ATP11A: variants seen among roughly 807,000 people sequenced by gnomAD.
ATP11A encodes ATPase phospholipid transporting 11A.
In ATP11A, 81 loss-of-function variants were observed where a neutral mutation model predicts 154.4. The observed-to-expected ratio is 0.52, with a 90% CI of 0.44 to 0.63. ATP11A has a LOEUF of 0.63. Among genes scored for constraint, ATP11A ranks in the 30% least tolerant of loss-of-function variants. The pLI, the probability that ATP11A is intolerant of heterozygous loss-of-function variation, is 0.00. For missense variants in ATP11A, 1,316 were observed against 1,474.3 expected, an observed-to-expected ratio of 0.89 and a Z score of 1.76; for synonymous variants, 623 against 585.9, an observed-to-expected ratio of 1.06 and a Z score of -0.91.
Position 112,755,789 on chromosome 13 carries a change from C to G in ATP11A, c.40-29346C>G, listed in dbSNP as rs924017619. On this transcript the variant is annotated intron_variant, in intron 1 of 29. Transcript: ENST00000375645. ...CCAGAACCATTTCCGGTCACGGAAG[C>G]GGCACTCAGAGCGGCTCCCAGAACC... 3.5e-5 allele frequency among the ~76,000 whole-genome samples: 5 copies of G among 141,970 alleles called. No homozygotes were observed. The East Asian group carries it at 1.0e-3, about 30-fold the overall frequency. The allele number at this position is 141,970 out of a possible 152,430, so 93.1% of individuals were successfully genotyped here.
At chr13:112,794,271 C>T (rs75171790) in intron 2 of ATP11A, among the ~76,000 whole-genome samples, 42 of 152,312 alleles carry the variant, frequency 2.8e-4, no homozygotes, top group Admixed American at 2.6e-3. Flanking sequence ...CAAATACTTA[C>T]ATTTTTACAA....
At chr13:112,728,311 G>T (rs1307793471) in intron 1 of ATP11A, among the ~76,000 whole-genome samples, 1 of 151,856 alleles carries the variant, frequency 6.6e-6, no homozygotes, top group African/African-American at 2.4e-5. Context: ...GCGTGGATGG[G>T]CCATGAGACT....
rs1359006201 is a variant in ATP11A at position 112,787,697 on chromosome 13, G to A, written c.162+2440G>A. The stretch of plus-strand genomic sequence containing the variant: ...TAATTCACACCGGGTGTCCTGATGC[G>A]TAGACTCCTGTGGAGACCTACTTAA... On this transcript the variant is annotated intron_variant, in intron 2 of 29. Coordinates refer to ENST00000375645, the MANE Select transcript of ATP11A (RefSeq NM_015205.3). Among the ~76,000 whole-genome samples the A allele has an allele frequency of 3.3e-5, 5 of 149,508 alleles. No homozygotes were observed. The East Asian group carries it at 6.1e-4, about 18-fold the overall frequency.
At chr13:112,820,534 G>T (rs1282406856) in intron 8 of ATP11A, among the ~76,000 whole-genome samples, 1 of 152,138 alleles carries the variant, frequency 6.6e-6, no homozygotes, top group African/African-American at 2.4e-5. Context: ...ATACCCATGA[G>T]GAAACAGCGA....
chr13:112,805,689 AGAG>A (rs1453716160), intron 3 of ATP11A, among the ~76,000 whole-genome samples: 3 of 150,428 alleles, frequency 2.0e-5, no homozygotes, highest in Non-Finnish European at 4.4e-5. Flanking sequence ...AAAAAAAAAA[AGAG>A]AAAGAAAAAG....
At chr13:112,716,903 T>C (rs1321197636) in intron 1 of ATP11A, among the ~76,000 whole-genome samples, 1 of 144,636 alleles carries the variant, frequency 6.9e-6, no homozygotes, top group Non-Finnish European at 1.5e-5. Flanking sequence ...GGGGCAGTAC[T>C]GGATCAGGTG....
intron 1 of ATP11A, among the ~76,000 whole-genome samples, chr13:112,755,747 G>C (rs1187972726): frequency 4.0e-5 from 6 of 148,588 alleles, no homozygotes; most frequent in Non-Finnish European, 8.9e-5. Flanking sequence ...TCACGGAAGC[G>C]GCACTCAGAG....
intron 1 of ATP11A, among the ~76,000 whole-genome samples, chr13:112,700,857 C>G (rs1176619267): frequency 1.3e-5 from 2 of 152,238 alleles, no homozygotes; most frequent in Non-Finnish European, 2.9e-5. Flanking sequence ...TGTCACACAT[C>G]CAGGGCAGTT....
chr13:112,842,216 A>T, intron 16 of ATP11A, 60 bp from the exon 17 acceptor site: 11 of 1,345,340 alleles, frequency 8.2e-6, no homozygotes, highest in South Asian at 1.3e-5. Context: ...GCATAATTTT[A>T]AAAAATAATC....
At chr13:112,797,688 T>C (rs1207355427) in intron 2 of ATP11A, among the ~76,000 whole-genome samples, 1 of 152,208 alleles carries the variant, frequency 6.6e-6, no homozygotes, top group Non-Finnish European at 1.5e-5. Flanking sequence ...TTATCCTTCA[T>C]TCGTGAAGGA....
In ATP11A at chr13:112,873,631, T is replaced by C; in HGVS notation, c.3116T>C (p.Leu1039Pro). 1 of 1,613,808 alleles carries C rather than the reference T, an allele frequency of 6.2e-7. No homozygotes were observed. The highest frequency in any genetic ancestry group is 2.2e-5 in the East Asian group (1 of 44,882). ...AACCATTTTGTCATCTGGGGGTCGC[T>C]GCTGTTCTACGTTGTCTTTTCGCTT... ...WINHFVIWGS[L>P]LFYVVFSLLW... is the part of the protein sequence containing the mutation. Residue 1039 changes from leucine to proline, a missense_variant, in exon 27 of 30, where the codon CTG (leucine) becomes CCG (proline). Leu to Pro is a moderately conservative substitution (Grantham distance 98). Transcript: ENST00000375645.
chr13:112,800,876 C>T (rs1393689263), intron 2 of ATP11A, among the ~76,000 whole-genome samples: 2 of 152,134 alleles, frequency 1.3e-5, no homozygotes, highest in Non-Finnish European at 2.9e-5. Context: ...CCCATATTTA[C>T]AGGCTAAAAA....
chr13:112,826,692 A>G lies in ATP11A; in HGVS notation c.1024-2A>G. 1 of 1,614,012 alleles carries G rather than the reference A, an allele frequency of 6.2e-7. No individual in the cohort carries two copies. The highest frequency in any genetic ancestry group is 8.5e-7 in the Non-Finnish European group (1 of 1,179,982). On this transcript the variant is annotated splice_acceptor_variant, in intron 11 of 29. Coordinates refer to ENST00000375645, the MANE Select transcript of ATP11A (RefSeq NM_015205.3). LOFTEE classifies it high-confidence loss of function. ...GCTGACCCGCACCTTCTGCTCTTGCAGTTCCTCAAGGCATTCACGGACTTC... is the reference window on the plus strand; with the variant it reads ...GCTGACCCGCACCTTCTGCTCTTGCGGTTCCTCAAGGCATTCACGGACTTC...
At chr13:112,692,834 G>A (rs1033074250) in intron 1 of ATP11A, among the ~76,000 whole-genome samples, 7 of 152,108 alleles carry the variant, frequency 4.6e-5, no homozygotes, top group Non-Finnish European at 7.3e-5. Flanking sequence ...TTGTAATTGC[G>A]TTATCGTCCA....
chr13:112,745,743 T>C (rs574640878), intron 1 of ATP11A: 24 of 152,110 alleles, frequency 1.6e-4, no homozygotes, highest in Middle Eastern at 6.8e-3. Context: ...GGTATTGTTA[T>C]GTTTTAAATA....
rs557103853 is a variant in ATP11A at position 112,776,035 on chromosome 13, C to T, written c.40-9100C>T. Among the ~76,000 whole-genome samples the T allele has an allele frequency of 6.6e-5, 10 of 152,362 alleles. No homozygotes were observed. In the South Asian group the frequency reaches 1.9e-3, roughly 28 times the overall value. On this transcript the variant is annotated intron_variant, in intron 1 of 29. Transcript: ENST00000375645. ...CCCGGACCCCTTCCCGCCTCCCTGG[C>T]CCGGCTGGAGTCCCTGGGAGCCCGT...
chr13:112,843,669 A>G (rs2079492210), intron 17 of ATP11A, among the ~76,000 whole-genome samples: 1 of 152,074 alleles, frequency 6.6e-6, no homozygotes, highest in Non-Finnish European at 1.5e-5. Context: ...ATGTAAAGCA[A>G]TGTTTGTCCT....
intron 27 of ATP11A, among the ~76,000 whole-genome samples, chr13:112,874,747 GGT>G (rs1307302068): frequency 2.0e-5 from 3 of 152,098 alleles, no homozygotes; most frequent in African/African-American, 7.2e-5. Context: ...CAGCTTGGAG[GGT>G]GTCAGGCACC....
intron 25 of ATP11A, among the ~76,000 whole-genome samples, chr13:112,865,784 C>G (rs1237742165): frequency 6.6e-6 from 1 of 152,220 alleles, no homozygotes; most frequent in African/African-American, 2.4e-5. Flanking sequence ...CTCCTGACCT[C>G]AGGTGATCTG....
Sources: gnomAD v4.1 joint callset for allele counts (sites outside exome capture counted in the v4.1 genomes callset) on GRCh38, gnomAD v4.1.1 for gene constraint, MANE v1.5 for transcripts, NCBI Gene and HGNC (gene_info 2026-07-23, HGNC 2026-07-21) for gene names.